APOOL: variants seen among roughly 807,000 people sequenced by gnomAD.
The protein encoded by APOOL is MICOS complex subunit MIC27.
In APOOL, 12 loss-of-function variants were observed where a neutral mutation model predicts 23.1. That is an observed-to-expected ratio of 0.52 (90% confidence interval 0.33 to 0.84). The LOEUF is 0.84. APOOL is among the 40% of genes least tolerant of loss of function. The pLI is 0.02. For synonymous variants in APOOL, 77 were observed against 69.9 expected (o/e 1.10, Z -0.51); for missense variants, 212 against 199.6 (o/e 1.06, Z -0.37).
At chrX:85,038,550 T>C (rs1314678271) in intron 1 of APOOL, among the ~76,000 whole-genome samples, 2 of 59,879 alleles carry the variant, frequency 3.3e-5, no homozygotes, top group Non-Finnish European at 6.4e-5. Flanking sequence ...TTTTTTTTTT[T>C]CTGGTTGGTA....
intron 1 of APOOL, among the ~76,000 whole-genome samples, chrX:85,031,487 C>T (rs919557734): frequency 4.5e-5 from 5 of 111,395 alleles, no homozygotes; most frequent in African/African-American, 3.3e-5. Context: ...TGTTAAACAC[C>T]GGATTAGTGC....
intron 1 of APOOL, among the ~76,000 whole-genome samples, chrX:85,018,117 T>C (rs766240583): frequency 1.6e-4 from 18 of 112,588 alleles, no homozygotes; most frequent in Non-Finnish European, 3.2e-4. Context: ...AGTATTTTGT[T>C]GAGGACTTTA....
In APOOL at chrX:85,087,727, T is replaced by C. The variant is rs1455190924; in HGVS notation, c.*49T>C. ...ACAGAAAACTACAAGATGTGTGGCG[T>C]TGCAAATAATGATGAAAATAAATCA... On this transcript the variant is annotated 3_prime_UTR_variant, in exon 9 of 9. Transcript: ENST00000373173. 1 of 1,022,034 alleles carries C rather than the reference T, an allele frequency of 9.8e-7. No homozygotes were observed. The highest frequency in any genetic ancestry group is 1.3e-6 in the Non-Finnish European group (1 of 758,215). The allele number at this position is 1,022,034 out of a possible 1,213,427, so 84.2% of individuals were successfully genotyped here.
At chrX:85,030,918 A>G (rs758342689) in intron 1 of APOOL, among the ~76,000 whole-genome samples, 1 of 112,351 alleles carries the variant, frequency 8.9e-6, no homozygotes, top group African/African-American at 3.2e-5. Flanking sequence ...AATAGTAGAT[A>G]CATAGAAATT....
chrX:85,005,170 GTC>G (rs1308123249), intron 1 of APOOL, among the ~76,000 whole-genome samples: 4 of 107,947 alleles, frequency 3.7e-5, no homozygotes, highest in African/African-American at 1.4e-4. Context: ...TTGAGACGGA[GTC>G]TCTCTCTGTC....
At chrX:85,039,203 T>C (rs1422491509) in intron 1 of APOOL, among the ~76,000 whole-genome samples, 5 of 111,004 alleles carry the variant, frequency 4.5e-5, no homozygotes, top group Admixed American at 2.9e-4. Flanking sequence ...TTCCATGTAA[T>C]TGTATGGTTT....
At chrX:85,066,738 T>A (rs192082630) in intron 5 of APOOL, among the ~76,000 whole-genome samples, 57 of 110,823 alleles carry the variant, frequency 5.1e-4, no homozygotes, top group African/African-American at 1.8e-3. Flanking sequence ...ATTTCACTTT[T>A]ACATGGTGTC....
Position 85,092,963 on chromosome X carries a change from T to C in APOOL, c.*5285T>C, listed in dbSNP as rs1203504951. On this transcript the variant is annotated 3_prime_UTR_variant, in exon 9 of 9. Transcript: ENST00000373173. ...TTCCCTTGATAGCAAAAAGGGTGTA[T>C]AGTGTGGTTGTGGATTATATATAAA... 1.1e-5 allele frequency: 4 copies of C among 358,098 alleles called. No individual in the cohort carries two copies. Among genetic ancestry groups the C allele is most frequent in the Admixed American group, 5.0e-5 (1 of 19,912 alleles). 29.5% of individuals were successfully genotyped at this position (358,098 alleles called of 1,213,427 possible). A position where few individuals can be genotyped will look rare whatever the true frequency, so the allele number is the denominator to read the frequency against.
intron 1 of APOOL, among the ~76,000 whole-genome samples, chrX:85,016,475 T>C (rs1921475834): frequency 9.0e-6 from 1 of 110,799 alleles, no homozygotes; most frequent in African/African-American, 3.3e-5. Flanking sequence ...CATCTTTTCA[T>C]GTATAGGAAT....
At chrX:85,068,982 T>G (rs189181376) in intron 6 of APOOL, among the ~76,000 whole-genome samples, 1 of 111,527 alleles carries the variant, frequency 9.0e-6, no homozygotes, top group East Asian at 2.8e-4. Flanking sequence ...AAATAAAGTA[T>G]TAAACTGAAT....
rs1569462958 is a variant in APOOL, at chrX:85,092,407, A to T, written c.*4729A>T. 1 of 1,171,538 alleles carries T rather than the reference A, an allele frequency of 8.5e-7. No homozygotes were observed. The highest frequency in any genetic ancestry group is 3.2e-5 in the East Asian group (1 of 31,142). On this transcript the variant is annotated 3_prime_UTR_variant, in exon 9 of 9. Transcript: ENST00000373173. ...AAGCCTCTTTCATTCTTCCCATGCC[A>T]TGTCCAGGAGTTCTTCTCTGTTAAA...
chrX:85,087,305 A>G (rs1924343809), intron 8 of APOOL, among the ~76,000 whole-genome samples: 1 of 110,779 alleles, frequency 9.0e-6, no homozygotes, highest in South Asian at 3.9e-4. Context: ...CACCTCCTTC[A>G]GTTCTCGGCT....
intron 1 of APOOL, among the ~76,000 whole-genome samples, chrX:85,035,719 T>C (rs913968324): frequency 9.0e-6 from 1 of 111,641 alleles, no homozygotes; most frequent in African/African-American, 3.3e-5. Context: ...TCTTTACCCA[T>C]TACTTGTTTT....
At chrX:85,007,847 G>C (rs1161404784) in intron 1 of APOOL, among the ~76,000 whole-genome samples, 1 of 111,979 alleles carries the variant, frequency 8.9e-6, no homozygotes, top group Non-Finnish European at 1.9e-5. Context: ...AGGACTTACT[G>C]TGTATCAGGT....
At chrX:85,006,671 A>G (rs1921091077) in intron 1 of APOOL, among the ~76,000 whole-genome samples, 1 of 111,927 alleles carries the variant, frequency 8.9e-6, no homozygotes, top group African/African-American at 3.2e-5. Context: ...ATTTACAGCT[A>G]TTGTGTTATT....
Position 85,092,872 on chromosome X carries a change from G to A in APOOL, c.*5194G>A, listed in dbSNP as rs1924570099. On this transcript the variant is annotated 3_prime_UTR_variant, in exon 9 of 9. Coordinates refer to ENST00000373173, the MANE Select transcript of APOOL (RefSeq NM_198450.6). ...AAGAAGATCTTGCTTTTATAGTCTT[G>A]TAATATTCATACTGTGAGCCTGTGT... is the stretch of plus-strand genomic sequence containing the variant. The A allele has an allele frequency of 9.2e-6, 3 of 324,633 alleles. No individual in the cohort carries two copies. The highest frequency in any genetic ancestry group is 1.6e-5 in the Non-Finnish European group (3 of 188,567). 26.8% of individuals were successfully genotyped at this position (324,633 alleles called of 1,213,427 possible).
rs1924543133 is a variant in APOOL at position 85,092,319 on chromosome X, A to T, written c.*4641A>T. 1 of 1,067,556 alleles carries T rather than the reference A, an allele frequency of 9.4e-7. No individual in the cohort carries two copies. Among genetic ancestry groups the T allele is most frequent in the Non-Finnish European group, 1.2e-6 (1 of 808,493 alleles). 88.0% of individuals were successfully genotyped at this position (1,067,556 alleles called of 1,213,427 possible). A position where few individuals can be genotyped will look rare whatever the true frequency, so the allele number is the denominator to read the frequency against. ...ACTTGCTGTATTGTACAACAAAGTCAAACTGCTGTTAGACTCAGGTGACAG... is the reference window on the plus strand; with the variant it reads ...ACTTGCTGTATTGTACAACAAAGTCTAACTGCTGTTAGACTCAGGTGACAG... On this transcript the variant is annotated 3_prime_UTR_variant, in exon 9 of 9. Coordinates refer to ENST00000373173, the MANE Select transcript of APOOL (RefSeq NM_198450.6).
At chrX:85,082,878 C>T (rs991950615) in intron 8 of APOOL, among the ~76,000 whole-genome samples, 3 of 111,586 alleles carry the variant, frequency 2.7e-5, no homozygotes, top group East Asian at 2.8e-4. Context: ...TTTGTGGATT[C>T]GGAGACTAAA....
At chrX:85,045,614 A>G (rs1207443885) in intron 1 of APOOL, among the ~76,000 whole-genome samples, 1 of 111,887 alleles carries the variant, frequency 8.9e-6, no homozygotes, top group East Asian at 2.8e-4. Context: ...TGTACCTTGG[A>G]AAGCTTTACA....
Sources: allele counts gnomAD v4.1 joint callset (sites outside exome capture counted in the v4.1 genomes callset), GRCh38; gene constraint gnomAD v4.1.1; transcripts MANE v1.5; gene names NCBI Gene and HGNC (gene_info 2026-07-23, HGNC 2026-07-21).